Variants in DDX1 observed in about 807,000 individuals in gnomAD.
DDX1 encodes DEAD-box helicase 1.
Under a neutral mutation model 108.7 loss-of-function variants are expected in DDX1, and 28 were observed. That is an observed-to-expected ratio of 0.26 (90% confidence interval 0.19 to 0.35). The LOEUF (loss-of-function observed/expected upper bound fraction) is 0.35, where lower values mean the gene tolerates loss of function less well. DDX1 is among the 10% of genes least tolerant of loss of function. The pLI, the probability that DDX1 is intolerant of heterozygous loss-of-function variation, is 1.00. For synonymous variants in DDX1, 295 were observed against 288.9 expected (o/e 1.02, Z -0.21); for missense variants, 710 against 884.5 (o/e 0.80, Z 2.50).
chr2:15,612,850 T>TA (rs1314055343), intron 13 of DDX1, among the ~76,000 whole-genome samples: 1 of 151,960 alleles, frequency 6.6e-6, no homozygotes, highest in Non-Finnish European at 1.5e-5. Context: ...ACCAAAAAAA[T>TA]ACGAAAACCA....
chr2:15,606,573 C>A (rs964402820), intron 12 of DDX1, among the ~76,000 whole-genome samples: 2 of 152,198 alleles, frequency 1.3e-5, no homozygotes, highest in South Asian at 2.1e-4. Context: ...TTCACAACAA[C>A]CCTATAAGGT....
chr2:15,595,442 C>T (rs114641333), intron 2 of DDX1, 48 bp from the exon 3 acceptor site: 396 of 1,493,116 alleles, frequency 2.7e-4, no homozygotes, highest in Middle Eastern at 1.7e-3. Context: ...TTTGCTTAGG[C>T]GATTTTTTTC....
chr2:15,617,364 C>T, intron 15 of DDX1, 22 bp downstream of exon 15: 1 of 1,422,144 alleles, frequency 7.0e-7, no homozygotes, highest in South Asian at 1.4e-5. Flanking sequence ...TATAATCATA[C>T]TTTTTAAAAA....
chr2:15,600,316 C>T (rs914735420), intron 6 of DDX1, among the ~76,000 whole-genome samples: 4 of 152,256 alleles, frequency 2.6e-5, no homozygotes, highest in South Asian at 2.1e-4. Context: ...TAGTGAGCAG[C>T]GAGACCTGCA....
At chr2:15,614,470 G>A (rs1369894445) in intron 14 of DDX1, among the ~76,000 whole-genome samples, 1 of 152,116 alleles carries the variant, frequency 6.6e-6, no homozygotes, top group Non-Finnish European at 1.5e-5. Context: ...TGGTTTTAAT[G>A]TCCCCACCAA....
At chr2:15,618,979 T>C (rs1294444257) in intron 16 of DDX1, among the ~76,000 whole-genome samples, 3 of 152,138 alleles carry the variant, frequency 2.0e-5, no homozygotes, top group Non-Finnish European at 4.4e-5. Flanking sequence ...GAAGCAGACA[T>C]CTCCGAACCT....
chr2:15,591,880 T>C lies in DDX1; in HGVS notation c.-54T>C. ...AGCGCGCGCCGCCACTGCCACGCCG[T>C]GTCAGTCGGGAGGGAGGGAGCGAGC... On this transcript the variant is annotated 5_prime_UTR_variant, in exon 1 of 26. Coordinates refer to ENST00000233084, the MANE Select transcript of DDX1 (RefSeq NM_004939.3). 1 of 1,466,106 alleles carries C rather than the reference T, an allele frequency of 6.8e-7. No homozygotes were observed. The highest frequency in any genetic ancestry group is 2.6e-5 in the Admixed American group (1 of 38,332). The allele number at this position is 1,466,106 out of a possible 1,614,324, so 90.8% of individuals were successfully genotyped here. A position where few individuals can be genotyped will look rare whatever the true frequency, so the allele number is the denominator to read the frequency against.
In DDX1 at chr2:15,620,208, G is replaced by A. The variant is rs1463561551; in HGVS notation, c.1207G>A (p.Val403Met). Residue 403 changes from valine (V) to methionine (M), a missense_variant and splice_region_variant, in exon 17 of 26, where the codon GTG becomes ATG. By Grantham distance (21) the Val-to-Met change is conservative. Transcript: ENST00000233084. ...QVTSDGKRLQ[V>M]IVCSATLHSF... Reference sequence around the variant, plus strand: ...TCAATTTGGGGTTTCCTCTTCTTAGGTGATTGTTTGCTCTGCCACTTTGCA... The same window carrying A: ...TCAATTTGGGGTTTCCTCTTCTTAGATGATTGTTTGCTCTGCCACTTTGCA... The A allele has an allele frequency of 6.2e-7, 1 of 1,612,738 alleles. No homozygotes were observed. Among genetic ancestry groups the A allele is most frequent in the East Asian group, 2.2e-5 (1 of 44,844 alleles).
chr2:15,627,006 T>C (rs1666108375), intron 19 of DDX1, 48 bp from the exon 20 acceptor site: 6 of 1,277,152 alleles, frequency 4.7e-6, no homozygotes, highest in Non-Finnish European at 5.6e-6. Flanking sequence ...TACATAGTCT[T>C]AGGCAGAAGA....
chr2:15,599,666 T>C lies in DDX1; in HGVS notation c.260-3T>C. 1 of 1,601,682 alleles carries C rather than the reference T, an allele frequency of 6.2e-7. No homozygotes were observed. Among genetic ancestry groups the C allele is most frequent in the South Asian group, 1.1e-5 (1 of 89,012 alleles). ...GTAACTTTTCTTATTTTAATTTGTT[T>C]AGTGCTGAACAAATGGCAGATGAAC... On this transcript the variant is annotated splice_region_variant and splice_polypyrimidine_tract_variant and intron_variant, in intron 5 of 25. Transcript: ENST00000233084.
In DDX1 at chr2:15,591,894, G is replaced by A. The variant is rs1400918337; in HGVS notation, c.-40G>A. ...CTGCCACGCCGTGTCAGTCGGGAGG[G>A]AGGGAGCGAGCAGGCGAAGCCGCGG... On this transcript the variant is annotated 5_prime_UTR_variant, in exon 1 of 26. Coordinates refer to ENST00000233084, the MANE Select transcript of DDX1 (RefSeq NM_004939.3). 5 of 1,468,226 alleles carry A rather than the reference G, an allele frequency of 3.4e-6. No individual in the cohort carries two copies. Among genetic ancestry groups the A allele is most frequent in the Admixed American group, 2.6e-5 (1 of 38,066 alleles). 90.9% of individuals were successfully genotyped at this position (1,468,226 alleles called of 1,614,324 possible).
At chr2:15,619,160 C>T (rs528378859) in intron 16 of DDX1, among the ~76,000 whole-genome samples, 34 of 152,226 alleles carry the variant, frequency 2.2e-4, no homozygotes, top group African/African-American at 7.5e-4. Context: ...CTCTCTGCCC[C>T]TCTGTGCCCA....
rs576651778 is a variant in DDX1 at position 15,602,383 on chromosome 2, T to C, written c.308-165T>C. On this transcript the variant is annotated intron_variant, in intron 6 of 25. Transcript: ENST00000233084. ...GTTAATTACACTTGGGAAATACTACTATCACTCAGGAATCAGTAAGTCTCA... is the reference window on the plus strand; with the variant it reads ...GTTAATTACACTTGGGAAATACTACCATCACTCAGGAATCAGTAAGTCTCA... 3.3e-5 allele frequency among the ~76,000 whole-genome samples: 5 copies of C among 152,314 alleles called. No homozygotes were observed. In the South Asian group the frequency reaches 1.0e-3, roughly 32 times the overall value.
chr2:15,609,991 A>G (rs1456774009), intron 13 of DDX1, among the ~76,000 whole-genome samples: 1 of 151,666 alleles, frequency 6.6e-6, no homozygotes, highest in Non-Finnish European at 1.5e-5. Context: ...GCTGGAGTAC[A>G]GTGGTGCCTC....
At chr2:15,611,832 G>A (rs1199847199) in intron 13 of DDX1, among the ~76,000 whole-genome samples, 1 of 105,632 alleles carries the variant, frequency 9.5e-6, no homozygotes, top group African/African-American at 4.5e-5. Context: ...TGGCCGGGCA[G>A]AGGGGCTCCT....
At chr2:15,604,129 GTCTTC>G (rs1665628913) in intron 9 of DDX1, among the ~76,000 whole-genome samples, 1 of 152,116 alleles carries the variant, frequency 6.6e-6, no homozygotes, top group Non-Finnish European at 1.5e-5. Flanking sequence ...ACATTACGTT[GTCTTC>G]TCTTTTCACC....
intron 23 of DDX1, 82 bp from the exon 24 acceptor site, chr2:15,629,520 C>T: frequency 9.9e-7 from 1 of 1,008,800 alleles, no homozygotes; most frequent in Admixed American, 2.9e-5. Flanking sequence ...GGACAGAAAA[C>T]AATTAAAAAC....
At chr2:15,608,210 C>T (rs748539950) in intron 13 of DDX1, among the ~76,000 whole-genome samples, 1 of 152,166 alleles carries the variant, frequency 6.6e-6, no homozygotes, top group Non-Finnish European at 1.5e-5. Context: ...GAAACATTCA[C>T]ACACCATAAA....
At position 15,595,209 on chromosome 2, in the gene DDX1, A is replaced by G. The variant is rs779689840; in HGVS notation, c.68+13A>G. 2.5e-6 allele frequency: 4 copies of G among 1,592,648 alleles called. No individual in the cohort carries two copies. The Admixed American group carries it at 5.1e-5, about 20-fold the overall frequency. ...AGATGGATTGGCTGTAAGTACATAA[A>G]GCCTAAATGTACCTGGGAGAGGATG... is the stretch of plus-strand genomic sequence containing the variant. On this transcript the variant is annotated intron_variant, in intron 2 of 25. Coordinates refer to ENST00000233084, the MANE Select transcript of DDX1 (RefSeq NM_004939.3).
Sources: allele counts gnomAD v4.1 joint callset (sites outside exome capture counted in the v4.1 genomes callset), GRCh38; gene constraint gnomAD v4.1.1; transcripts MANE v1.5; gene names NCBI Gene and HGNC (gene_info 2026-07-23, HGNC 2026-07-21).